NRP2: variants seen among roughly 807,000 people sequenced by gnomAD.
The protein encoded by NRP2 is neuropilin-2.
Under a neutral mutation model 110.4 loss-of-function variants are expected in NRP2, and 52 were observed. That is an observed-to-expected ratio of 0.47 (90% CI 0.38 to 0.59). NRP2 has a LOEUF of 0.59. Among genes scored for constraint, NRP2 ranks in the 20% least tolerant of loss-of-function variants. The probability of loss-of-function intolerance (pLI) is 0.00; values close to 1 mark genes in which losing one functional copy is unlikely to be tolerated. For synonymous variants in NRP2, 508 were observed against 468.9 expected, an observed-to-expected ratio of 1.08 and a Z score of -1.08; for missense variants, 1,049 against 1,203.0, an observed-to-expected ratio of 0.87 and a Z score of 1.89.
intron 9 of NRP2, among the ~76,000 whole-genome samples, chr2:205,745,396 G>C (rs1409199962): frequency 2.0e-5 from 3 of 152,160 alleles, no homozygotes; most frequent in Non-Finnish European, 4.4e-5. Flanking sequence ...CGCCCAAACT[G>C]CCTTCCCCCC....
intron 3 of NRP2, 25 bp from the exon 4 acceptor site, chr2:205,722,453 T>C (rs754371340): frequency 6.4e-7 from 1 of 1,570,502 alleles, no homozygotes; most frequent in African/African-American, 1.3e-5. Flanking sequence ...TTCTTCTTAG[T>C]GCTACAGTTC....
intron 4 of NRP2, among the ~76,000 whole-genome samples, chr2:205,723,287 G>T (rs2057058321): frequency 6.6e-6 from 1 of 152,194 alleles, no homozygotes; most frequent in Non-Finnish European, 1.5e-5. Context: ...AATTAGTATT[G>T]GAGAGGAACA....
intron 3 of NRP2, among the ~76,000 whole-genome samples, chr2:205,716,769 G>A (rs548647445): frequency 1.3e-5 from 2 of 152,192 alleles, no homozygotes; most frequent in African/African-American, 4.8e-5. Context: ...AACTACATGG[G>A]GCTGAGGACA....
intron 2 of NRP2, among the ~76,000 whole-genome samples, chr2:205,705,065 T>G (rs924473802): frequency 1.3e-5 from 2 of 152,176 alleles, no homozygotes; most frequent in African/African-American, 4.8e-5. Flanking sequence ...TAGAAAAAAA[T>G]TTATATTCTT....
chr2:205,705,507 T>G (rs918587206), intron 2 of NRP2, among the ~76,000 whole-genome samples: 1 of 152,222 alleles, frequency 6.6e-6, no homozygotes, highest in Non-Finnish European at 1.5e-5. Context: ...GCCAAGCATC[T>G]TGGCAGTCTC....
intron 15 of NRP2, among the ~76,000 whole-genome samples, chr2:205,789,076 G>A (rs1476698732): frequency 6.6e-6 from 1 of 152,200 alleles, no homozygotes; most frequent in Non-Finnish European, 1.5e-5. Context: ...TAGTGAGCCA[G>A]TGAAACAGGC....
chr2:205,792,268 A>C lies in NRP2; in HGVS notation c.2459A>C (p.Tyr820Ser). Residue 820 changes from tyrosine to serine, a missense_variant, in exon 16 of 17, where the codon TAT (tyrosine) becomes TCT (serine). By Grantham distance (144) the Tyr-to-Ser change is moderately radical. Transcript: ENST00000357785. ...DIPEIHEREG[Y>S]EDEIDDEYEV... ...CCAGAAATACATGAGAGAGAAGGAT[A>C]TGAAGATGAAATTGATGGTGAGTAC... 6.2e-7 allele frequency: 1 copy of C among 1,603,176 alleles called. No homozygotes were observed. Among genetic ancestry groups the C allele is most frequent in the African/African-American group, 1.3e-5 (1 of 74,848 alleles).
In NRP2 at chr2:205,692,052, C is replaced by T. The variant is rs765499481; in HGVS notation, c.74-5492C>T. Among the ~76,000 whole-genome samples, 12 of 152,202 alleles carry T rather than the reference C, an allele frequency of 7.9e-5. No individual in the cohort carries two copies. The East Asian group carries it at 9.6e-4, about 12-fold the overall frequency. On this transcript the variant is annotated intron_variant, in intron 1 of 16. Transcript: ENST00000357785. Reference sequence around the variant, plus strand: ...GTGTTTTAAGAGAGGGAATTTGCTTCATTCTTTATTCATTTCCAAACTCAT... The same window carrying T: ...GTGTTTTAAGAGAGGGAATTTGCTTTATTCTTTATTCATTTCCAAACTCAT...
intron 1 of NRP2, among the ~76,000 whole-genome samples, chr2:205,694,246 A>C (rs1402891123): frequency 1.3e-5 from 2 of 152,260 alleles, no homozygotes; most frequent in South Asian, 2.1e-4. Context: ...TTTCAAATAA[A>C]AACACCTAAG....
rs146118919 is a variant in NRP2, at chr2:205,784,351, C to G, written c.2426-7884C>G. On this transcript the variant is annotated intron_variant, in intron 15 of 16. Transcript: ENST00000357785. ...ATTTAAGCACAAAGAAACTTTTTGT[C>G]TCTTTGTGTTTTCTTGCTGCCACCC... Among the ~76,000 whole-genome samples the G allele has an allele frequency of 3.7e-4, 56 of 152,304 alleles. No individual in the cohort carries two copies. In the East Asian group the frequency reaches 9.3e-3, roughly 25 times the overall value.
intron 2 of NRP2, chr2:205,700,936 C>T (rs912654526): frequency 7.7e-5 from 25 of 325,830 alleles, no homozygotes; most frequent in African/African-American, 4.6e-4. Flanking sequence ...GACAAAAGGG[C>T]GAGACTACGG....
chr2:205,756,020 T>C (rs544472790), intron 12 of NRP2, among the ~76,000 whole-genome samples: 2 of 152,310 alleles, frequency 1.3e-5, no homozygotes, highest in South Asian at 4.2e-4. Context: ...TCTTTTTTTT[T>C]CCTTTCCTTT....
chr2:205,783,418 T>TA (rs1429386418), intron 15 of NRP2, among the ~76,000 whole-genome samples: 1 of 152,220 alleles, frequency 6.6e-6, no homozygotes, highest in Admixed American at 6.5e-5. Context: ...TGTTTTCTAC[T>TA]AAAAAATTTA....
intron 10 of NRP2, among the ~76,000 whole-genome samples, chr2:205,748,218 T>C (rs752280016): frequency 3.5e-4 from 53 of 152,302 alleles, no homozygotes; most frequent in Admixed American, 9.1e-4. Flanking sequence ...CACGTGGCTA[T>C]GTTTGCTTTT....
Position 205,763,547 on chromosome 2 carries a change from C to A in NRP2, c.2045-127C>A. 8 of 1,227,132 alleles carry A rather than the reference C, an allele frequency of 6.5e-6. No homozygotes were observed. The highest frequency in any genetic ancestry group is 9.6e-6 in the Non-Finnish European group (8 of 832,038). 76.0% of individuals were successfully genotyped at this position (1,227,132 alleles called of 1,614,324 possible). ...AGAAAGGGTCACAGAGCCTGGAGAA[C>A]AAGGACATGAATAAACCAAAGACAC... is the stretch of plus-strand genomic sequence containing the variant. On this transcript the variant is annotated intron_variant, in intron 12 of 16. Transcript: ENST00000357785. This position sits in a 1 kb window ranked among gnomAD's most constrained non-coding sequence, Gnocchi z 4.0.
intron 7 of NRP2, among the ~76,000 whole-genome samples, chr2:205,738,016 A>G (rs1430639191): frequency 6.6e-6 from 1 of 152,242 alleles, no homozygotes; most frequent in East Asian, 1.9e-4. Context: ...TCATTTACTC[A>G]TTGAGGAAAG....
intron 7 of NRP2, among the ~76,000 whole-genome samples, chr2:205,735,218 G>A (rs1024470779): frequency 7.1e-6 from 1 of 141,566 alleles, no homozygotes. Flanking sequence ...TATAAGAAAA[G>A]GCTTTAGGCT....
chr2:205,697,267 C>A (rs1385185733), intron 1 of NRP2, among the ~76,000 whole-genome samples: 3 of 148,582 alleles, frequency 2.0e-5, no homozygotes, highest in Non-Finnish European at 4.4e-5. Context: ...AATCACAGAC[C>A]ATGTAATTGA....
intron 1 of NRP2, among the ~76,000 whole-genome samples, chr2:205,684,411 A>G (rs1344832781): frequency 6.6e-6 from 1 of 152,188 alleles, no homozygotes; most frequent in African/African-American, 2.4e-5. Flanking sequence ...AGAAAGGCGA[A>G]AAAGCCTTCC....
Sources: gnomAD v4.1 joint callset for allele counts (sites outside exome capture counted in the v4.1 genomes callset) on GRCh38, gnomAD v4.1.1 for gene constraint, Gnocchi (gnomAD v3.1) non-coding constraint, MANE v1.5 for transcripts, NCBI Gene and HGNC (gene_info 2026-07-23, HGNC 2026-07-21) for gene names.